Variants in C8orf34 observed in about 807,000 individuals in gnomAD.
C8orf34 encodes uncharacterized protein C8orf34.
In C8orf34, 65 loss-of-function variants were observed where a neutral mutation model predicts 68.3. That is an observed-to-expected ratio of 0.95 (90% confidence interval 0.78 to 1.17). The LOEUF is 1.17. Among genes scored for constraint, C8orf34 ranks in the 50% most tolerant of loss-of-function variants. The pLI is 0.00. For missense variants in C8orf34, 664 were observed against 655.4 expected, an observed-to-expected ratio of 1.01 and a Z score of -0.14; for synonymous variants, 244 against 241.2, an observed-to-expected ratio of 1.01 and a Z score of -0.11.
At chr8:68,357,267 T>C (rs903886345) in intron 1 of C8orf34, among the ~76,000 whole-genome samples, 14 of 152,194 alleles carry the variant, frequency 9.2e-5, no homozygotes, top group Middle Eastern at 3.2e-3. Flanking sequence ...AGTTGTATAG[T>C]AATGATATAA....
chr8:68,792,305 G>T (rs1038016228), intron 12 of C8orf34: 6 of 152,142 alleles, frequency 3.9e-5, no homozygotes, highest in African/African-American at 1.4e-4. Flanking sequence ...AGGCGCAATG[G>T]CTCACGTCTG....
chr8:68,711,593 C>T (rs1292707348), intron 9 of C8orf34, among the ~76,000 whole-genome samples: 4 of 151,918 alleles, frequency 2.6e-5, no homozygotes, highest in African/African-American at 9.7e-5. Context: ...CAAGGCTTTT[C>T]AATTAACCCA....
At chr8:68,432,587 T>C (rs745706580) in intron 1 of C8orf34, among the ~76,000 whole-genome samples, 1 of 152,116 alleles carries the variant, frequency 6.6e-6, no homozygotes, top group African/African-American at 2.4e-5. Flanking sequence ...AATAAAAGAC[T>C]GATATTTTAA....
intron 7 of C8orf34, among the ~76,000 whole-genome samples, chr8:68,592,596 C>CT (rs869214252): frequency 0.018 from 481 of 26,514 alleles, 4 homozygotes; most frequent in Middle Eastern, 0.029. Flanking sequence ...TTTATCTCTT[C>CT]TTTTTTTTTT....
intron 7 of C8orf34, among the ~76,000 whole-genome samples, chr8:68,565,130 T>TCTCTG (rs1554578755): frequency 7.9e-5 from 12 of 152,316 alleles, no homozygotes; most frequent in Admixed American, 6.5e-4. Context: ...GACACCTTTT[T>TCTCTG]CTCTGCTTTA....
chr8:68,564,903 C>G (rs952536857), intron 7 of C8orf34, among the ~76,000 whole-genome samples: 2 of 152,186 alleles, frequency 1.3e-5, no homozygotes, highest in African/African-American at 4.8e-5. Context: ...AGGGTATCCT[C>G]CCTCTGCCCA....
At chr8:68,459,936 G>A (rs1435576083) in intron 3 of C8orf34, among the ~76,000 whole-genome samples, 1 of 152,160 alleles carries the variant, frequency 6.6e-6, no homozygotes, top group African/African-American at 2.4e-5. Flanking sequence ...CAGACAGTGG[G>A]CGCAGGACAG....
At chr8:68,440,961 T>C (rs950863617) in intron 2 of C8orf34, among the ~76,000 whole-genome samples, 15 of 152,026 alleles carry the variant, frequency 9.9e-5, no homozygotes, top group Non-Finnish European at 1.9e-4. Flanking sequence ...CCCGCCACCA[T>C]ACCCAGCTAG....
At chr8:68,418,721 G>A (rs1347971550) in intron 1 of C8orf34, among the ~76,000 whole-genome samples, 4 of 152,028 alleles carry the variant, frequency 2.6e-5, no homozygotes, top group Non-Finnish European at 5.9e-5. Flanking sequence ...AGAAAAACAA[G>A]CAATGGGGAA....
intron 7 of C8orf34, among the ~76,000 whole-genome samples, chr8:68,631,338 T>G (rs1038268325): frequency 6.6e-6 from 1 of 152,118 alleles, no homozygotes; most frequent in South Asian, 2.1e-4. Context: ...ACTTCTGGGC[T>G]CAAGTGATCC....
intron 3 of C8orf34, among the ~76,000 whole-genome samples, chr8:68,464,354 C>G (rs886611525): frequency 2.0e-5 from 3 of 152,066 alleles, no homozygotes; most frequent in Admixed American, 6.6e-5. Context: ...GAATCAAGAT[C>G]GTGAAAATGG....
intron 5 of C8orf34, among the ~76,000 whole-genome samples, chr8:68,515,926 CA>C (rs1455657044): frequency 6.6e-6 from 1 of 152,242 alleles, no homozygotes; most frequent in Non-Finnish European, 1.5e-5. Flanking sequence ...AGTCCGCTTA[CA>C]TTACCATCTT....
At chr8:68,357,297 G>A (rs1806790885) in intron 1 of C8orf34, among the ~76,000 whole-genome samples, 1 of 152,026 alleles carries the variant, frequency 6.6e-6, no homozygotes, top group African/African-American at 2.4e-5. Context: ...ATGTTAAGTA[G>A]GTGACAATGT....
At chr8:68,785,511 T>A (rs1284839701) in intron 11 of C8orf34, among the ~76,000 whole-genome samples, 1 of 152,218 alleles carries the variant, frequency 6.6e-6, no homozygotes, top group African/African-American at 2.4e-5. Context: ...GTACAGTGCA[T>A]ATGTAGAGTT....
At chr8:68,651,338 TG>T (rs1225442410) in intron 8 of C8orf34, among the ~76,000 whole-genome samples, 1 of 152,162 alleles carries the variant, frequency 6.6e-6, no homozygotes, top group Non-Finnish European at 1.5e-5. Flanking sequence ...ACTAGTCCAC[TG>T]GGTTTCCAGT....
chr8:68,631,565 C>G (rs560998381), intron 7 of C8orf34, among the ~76,000 whole-genome samples: 3 of 152,146 alleles, frequency 2.0e-5, no homozygotes, highest in Non-Finnish European at 4.4e-5. Flanking sequence ...CAGGCTACAT[C>G]ATATTAGATG....
intron 8 of C8orf34, among the ~76,000 whole-genome samples, chr8:68,645,338 A>G (rs1262979492): frequency 1.3e-5 from 2 of 152,208 alleles, no homozygotes; most frequent in Non-Finnish European, 2.9e-5. Flanking sequence ...TACTGTGTAA[A>G]TACTTGAGCA....
At chr8:68,606,704 G>A (rs1263573445) in intron 7 of C8orf34, among the ~76,000 whole-genome samples, 1 of 152,032 alleles carries the variant, frequency 6.6e-6, no homozygotes, top group Non-Finnish European at 1.5e-5. Flanking sequence ...TAATGGAAAG[G>A]CAATGATCAC....
At chr8:68,664,823 T>G (rs562486497) in intron 8 of C8orf34, among the ~76,000 whole-genome samples, 11 of 152,230 alleles carry the variant, frequency 7.2e-5, no homozygotes, top group Admixed American at 5.2e-4. Context: ...CCCTGGGAGA[T>G]TCATATTTCA....
Sources: allele counts gnomAD v4.1 joint callset (sites outside exome capture counted in the v4.1 genomes callset), GRCh38; gene constraint gnomAD v4.1.1; transcripts MANE v1.5; gene names NCBI Gene and HGNC (gene_info 2026-07-23, HGNC 2026-07-21).